Variants in NALF1 observed in about 807,000 individuals in gnomAD.
NALF1 encodes the protein family with sequence similarity 155 member A.
Under a neutral mutation model 48.4 loss-of-function variants are expected in NALF1, and 3 were observed. The observed-to-expected ratio is 0.06, with a 90% confidence interval of 0.03 to 0.16. The LOEUF (loss-of-function observed/expected upper bound fraction) is 0.16, where lower values mean the gene tolerates loss of function less well. Among genes scored for constraint, NALF1 ranks in the 10% least tolerant of loss-of-function variants. The pLI is 1.00. For synonymous variants in NALF1, 262 were observed against 245.7 expected, an observed-to-expected ratio of 1.07 and a Z score of -0.62; for missense variants, 526 against 571.5, an observed-to-expected ratio of 0.92 and a Z score of 0.81.
At chr13:107,348,416 G>A (rs956883145) in intron 1 of NALF1, among the ~76,000 whole-genome samples, 21 of 152,226 alleles carry the variant, frequency 1.4e-4, no homozygotes, top group Non-Finnish European at 2.2e-4. Context: ...TGCATATAAT[G>A]AAAATCTTAA....
chr13:107,278,807 C>T (rs78473523), intron 1 of NALF1, among the ~76,000 whole-genome samples: 10,977 of 152,094 alleles, frequency 0.072, 749 homozygotes, highest in East Asian at 0.37. Flanking sequence ...AGATCATTAG[C>T]TTTTAAAAAT....
chr13:107,686,885 G>C (rs1436553809), intron 1 of NALF1, among the ~76,000 whole-genome samples: 2 of 152,146 alleles, frequency 1.3e-5, no homozygotes, highest in Non-Finnish European at 2.9e-5. Context: ...GTGGAAAACA[G>C]TATGGGAATT....
chr13:107,579,448 C>T (rs1566401404), intron 1 of NALF1, among the ~76,000 whole-genome samples: 1 of 152,140 alleles, frequency 6.6e-6, no homozygotes, highest in Non-Finnish European at 1.5e-5. Context: ...CACTGTGCCC[C>T]CTCCTTATGT....
At chr13:107,765,097 T>A (rs1321439673) in intron 1 of NALF1, among the ~76,000 whole-genome samples, 1 of 152,144 alleles carries the variant, frequency 6.6e-6, no homozygotes, top group Non-Finnish European at 1.5e-5. Context: ...CTCTGAATGA[T>A]CGTTACAACT....
intron 1 of NALF1, among the ~76,000 whole-genome samples, chr13:107,356,140 T>A (rs1420049101): frequency 6.6e-6 from 1 of 152,160 alleles, no homozygotes; most frequent in African/African-American, 2.4e-5. Flanking sequence ...TTAGCAGAGT[T>A]TAACACCTCA....
Position 107,537,773 on chromosome 13 carries a change from T to A in NALF1, c.916-327018A>T, listed in dbSNP as rs561651672. Among the ~76,000 whole-genome samples, 181 of 152,178 alleles carry A rather than the reference T, an allele frequency of 1.2e-3. 1 individual carries two copies. The highest frequency in any genetic ancestry group is 2.1e-3 in the Non-Finnish European group (146 of 67,990). On this transcript the variant is annotated intron_variant, in intron 1 of 2. Coordinates refer to ENST00000375915, the MANE Select transcript of NALF1 (RefSeq NM_001080396.3). ...TGGCTCATGCCTATAATCCCAGCAC[T>A]TTGGGAGGCTGAGGCAGGTAGATCA...
chr13:107,415,725 T>TA (rs1219148734), intron 1 of NALF1, among the ~76,000 whole-genome samples: 2 of 152,182 alleles, frequency 1.3e-5, no homozygotes, highest in South Asian at 4.1e-4. Flanking sequence ...AGAAATTGGA[T>TA]AACCAATTTT....
chr13:107,587,765 T>C lies in NALF1; in HGVS notation c.915+277917A>G, dbSNP rs913044941. ...AATCAACACTTGACTAACTTATTATTTTTTTATTAGATTAATTGTTGTCCA... is the reference window on the plus strand; with the variant it reads ...AATCAACACTTGACTAACTTATTATCTTTTTATTAGATTAATTGTTGTCCA... On this transcript the variant is annotated intron_variant, in intron 1 of 2. Transcript: ENST00000375915. 3.9e-5 allele frequency among the ~76,000 whole-genome samples: 6 copies of C among 152,244 alleles called. No homozygotes were observed. In the East Asian group the frequency reaches 5.8e-4, roughly 15 times the overall value.
intron 1 of NALF1, among the ~76,000 whole-genome samples, chr13:107,655,458 T>C (rs1880552417): frequency 6.6e-6 from 1 of 151,986 alleles, no homozygotes; most frequent in Non-Finnish European, 1.5e-5. Flanking sequence ...ACCAAGGACG[T>C]AAAAGACCTC....
At chr13:107,392,476 C>A (rs1883643948) in intron 1 of NALF1, among the ~76,000 whole-genome samples, 1 of 152,118 alleles carries the variant, frequency 6.6e-6, no homozygotes, top group Admixed American at 6.6e-5. Flanking sequence ...ATAGCCCTCT[C>A]ACGCAGCAAT....
At chr13:107,357,131 C>A (rs911571351) in intron 1 of NALF1, among the ~76,000 whole-genome samples, 2 of 152,064 alleles carry the variant, frequency 1.3e-5, no homozygotes, top group Admixed American at 1.3e-4. Context: ...TAAACAAATA[C>A]CCGAGACTGG....
intron 1 of NALF1, among the ~76,000 whole-genome samples, chr13:107,837,665 C>T (rs920935650): frequency 1.3e-5 from 2 of 150,620 alleles, no homozygotes; most frequent in African/African-American, 4.9e-5. Context: ...TTTGGGACCC[C>T]GGATGCCCCA....
chr13:107,823,811 A>T (rs1184206693), intron 1 of NALF1, among the ~76,000 whole-genome samples: 1 of 152,156 alleles, frequency 6.6e-6, no homozygotes, highest in Non-Finnish European at 1.5e-5. Context: ...GCTGTGTGAT[A>T]CTGGGCAAGT....
chr13:107,360,204 G>A (rs1176190054), intron 1 of NALF1, among the ~76,000 whole-genome samples: 2 of 152,152 alleles, frequency 1.3e-5, no homozygotes, highest in Non-Finnish European at 2.9e-5. Flanking sequence ...AAATGAATCA[G>A]AGTCAAAGGA....
intron 1 of NALF1, among the ~76,000 whole-genome samples, chr13:107,710,776 TGTGTGTATATA>T (rs1875556176): frequency 4.5e-5 from 2 of 44,376 alleles, no homozygotes; most frequent in African/African-American, 1.1e-4. Flanking sequence ...TACACACATA[TGTGTGTATATA>T]CACATATATG....
At position 107,168,941 on chromosome 13, in the gene NALF1, A is replaced by C. The variant is rs1817551047; in HGVS notation, c.*1556T>G. 1.4e-5 allele frequency: 2 copies of C among 146,720 alleles called. No individual in the cohort carries two copies. The highest frequency in any genetic ancestry group is 4.4e-4 in the South Asian group (2 of 4,522). 9.1% of individuals were successfully genotyped at this position (146,720 alleles called of 1,614,324 possible). ...AAGTGCACTTCCCAAGTGTAGTTAG[A>C]GAATAGGAAGGAATGTAAAATTTTT... On this transcript the variant is annotated 3_prime_UTR_variant, in exon 3 of 3. Transcript: ENST00000375915.
At chr13:107,406,472 A>G (rs895281224) in intron 1 of NALF1, among the ~76,000 whole-genome samples, 2 of 152,048 alleles carry the variant, frequency 1.3e-5, no homozygotes, top group African/African-American at 4.8e-5. Flanking sequence ...AAAGAACCCT[A>G]CAATGAAAAC....
chr13:107,265,154 C>T (rs1452307864), intron 1 of NALF1, among the ~76,000 whole-genome samples: 3 of 152,162 alleles, frequency 2.0e-5, no homozygotes, highest in Non-Finnish European at 4.4e-5. Context: ...GATTAAGTAA[C>T]TTTTTAATAT....
intron 1 of NALF1, among the ~76,000 whole-genome samples, chr13:107,517,241 T>C (rs554820018): frequency 4.0e-4 from 61 of 151,770 alleles, no homozygotes; most frequent in Non-Finnish European, 7.1e-4. Flanking sequence ...GAAAATAGTC[T>C]TGAAAAACTA....
Sources: allele counts gnomAD v4.1 joint callset (sites outside exome capture counted in the v4.1 genomes callset), GRCh38; gene constraint gnomAD v4.1.1; transcripts MANE v1.5; gene names NCBI Gene and HGNC (gene_info 2026-07-23, HGNC 2026-07-21).